Variants in BBX observed in about 807,000 individuals in gnomAD.
BBX encodes the protein BBX high mobility group box domain containing, also known as HMG box transcription factor BBX.
Under a neutral mutation model 100.2 loss-of-function variants are expected in BBX, and 30 were observed. The ratio of observed to expected loss-of-function variants is 0.30; its 90% confidence interval spans 0.22 to 0.41. The LOEUF (loss-of-function observed/expected upper bound fraction) is 0.41. Among genes scored for constraint, BBX ranks in the 10% least tolerant of loss-of-function variants. The pLI, the probability that BBX is intolerant of heterozygous loss-of-function variation, is 1.00. For missense variants in BBX, 1,023 were observed against 1,129.8 expected, an observed-to-expected ratio of 0.91 and a Z score of 1.35; for synonymous variants, 376 against 388.1, an observed-to-expected ratio of 0.97 and a Z score of 0.37.
rs1191293887 is a variant in BBX, at chr3:107,644,368, T to TA, written c.-83-1468_-83-1467insA. Among the ~76,000 whole-genome samples the TA allele has an allele frequency of 2.0e-5, 3 of 152,298 alleles. No individual in the cohort carries two copies. The East Asian group carries it at 5.8e-4, about 29-fold the overall frequency. Reference sequence around the variant, plus strand: ...ATTTTGGCAGTACAAATTATATATATTTTTAGATTATACCAGTTTATTTAC... The same window carrying TA: ...ATTTTGGCAGTACAAATTATATATATATTTTAGATTATACCAGTTTATTTAC... On this transcript the variant is annotated intron_variant, in intron 2 of 17. Transcript: ENST00000325805.
At chr3:107,705,989 C>T (rs1363226629) in intron 3 of BBX, among the ~76,000 whole-genome samples, 1 of 149,758 alleles carries the variant, frequency 6.7e-6, no homozygotes, top group Non-Finnish European at 1.5e-5. Flanking sequence ...GAAGTCTGAC[C>T]TCAGTAAACG....
At chr3:107,635,283 T>C (rs643938) in intron 2 of BBX, among the ~76,000 whole-genome samples, 77,453 of 152,048 alleles carry the variant, frequency 0.51, 20,966 homozygotes, top group East Asian at 0.92. Context: ...AGCGAAACAC[T>C]GTATTCCAAA....
rs562615183 is a variant in BBX, at chr3:107,736,464, A to G, written c.669+3441A>G. ...AAAGAACCAGAAATAAAAATGTAGA[A>G]CAAATAAAAGTAATCATGTTCACAT... On this transcript the variant is annotated intron_variant, in intron 7 of 17. Coordinates refer to ENST00000325805, the MANE Select transcript of BBX (RefSeq NM_001142568.3). 9.7e-4 allele frequency among the ~76,000 whole-genome samples: 147 copies of G among 152,120 alleles called. 1 individual carries two copies. Among genetic ancestry groups the G allele is most frequent in the African/African-American group, 2.5e-3 (102 of 41,540 alleles).
Position 107,756,015 on chromosome 3 carries a change from A to G in BBX, c.906+337A>G, listed in dbSNP as rs971524565. 8.5e-5 allele frequency among the ~76,000 whole-genome samples: 13 copies of G among 152,204 alleles called. No individual in the cohort carries two copies. The South Asian group carries it at 2.1e-3, about 24-fold the overall frequency. On this transcript the variant is annotated intron_variant, in intron 10 of 17. Coordinates refer to ENST00000325805, the MANE Select transcript of BBX (RefSeq NM_001142568.3). ...CTTTTCTGATTCCCGTAAACCGTCT[A>G]TAAATCTCCAGAATGCACTGCTTTT...
intron 3 of BBX, among the ~76,000 whole-genome samples, chr3:107,647,199 C>G (rs1465319094): frequency 2.6e-5 from 4 of 152,050 alleles, no homozygotes; most frequent in Admixed American, 6.6e-5. Context: ...AAAATTGATA[C>G]TGAAATTTCA....
intron 2 of BBX, among the ~76,000 whole-genome samples, chr3:107,537,752 A>G (rs2048596697): frequency 6.6e-6 from 1 of 152,188 alleles, no homozygotes; most frequent in South Asian, 2.1e-4. Flanking sequence ...GTTTTCACTC[A>G]GTTTTATTTG....
intron 3 of BBX, among the ~76,000 whole-genome samples, chr3:107,693,318 T>A (rs1002993107): frequency 2.0e-5 from 3 of 151,866 alleles, no homozygotes; most frequent in African/African-American, 7.3e-5. Flanking sequence ...CTTCTAGGGT[T>A]TTTATGGTTT....
Position 107,798,692 on chromosome 3 carries a change from C to G in BBX, c.2523C>G (p.Gly841=). ...KITHLVRTAD[G]RVSPAGGTLD... ...CACACCTTGTCAGGACAGCAGATGGCCGGGTATCACCAGCAGGAGGTACTT... is the reference window on the plus strand; with the variant it reads ...CACACCTTGTCAGGACAGCAGATGGGCGGGTATCACCAGCAGGAGGTACTT... The change falls in exon 16 of 18, where the codon GGC becomes GGG. Residue 841 remains glycine (G), a synonymous_variant. Transcript: ENST00000325805. 6.2e-7 allele frequency: 1 copy of G among 1,613,960 alleles called. No homozygotes were observed. Among genetic ancestry groups the G allele is most frequent in the Non-Finnish European group, 8.5e-7 (1 of 1,179,980 alleles).
chr3:107,774,645 T>C, intron 11 of BBX, 74 bp from the exon 12 acceptor site: 1 of 1,501,192 alleles, frequency 6.7e-7, no homozygotes, highest in Non-Finnish European at 9.0e-7. Context: ...AAGAGGTTGC[T>C]CGTGAAGCAA....
At chr3:107,651,144 C>G (rs758869633) in intron 3 of BBX, among the ~76,000 whole-genome samples, 5 of 152,070 alleles carry the variant, frequency 3.3e-5, no homozygotes, top group East Asian at 3.8e-4. Flanking sequence ...GAATTTGGAG[C>G]GGGACACAAT....
intron 2 of BBX, among the ~76,000 whole-genome samples, chr3:107,600,724 A>G (rs2054002320): frequency 6.6e-6 from 1 of 152,172 alleles, no homozygotes; most frequent in Non-Finnish European, 1.5e-5. Flanking sequence ...ATCATAGAGG[A>G]TAATGTTGGG....
intron 2 of BBX, among the ~76,000 whole-genome samples, chr3:107,548,183 T>G (rs1301846952): frequency 6.6e-6 from 1 of 152,202 alleles, no homozygotes; most frequent in Non-Finnish European, 1.5e-5. Context: ...GCACTTAACC[T>G]CTTGGATTCT....
chr3:107,716,546 C>T, intron 4 of BBX, 61 bp from the exon 5 acceptor site: 1 of 1,574,122 alleles, frequency 6.4e-7, no homozygotes, highest in South Asian at 1.2e-5. Flanking sequence ...CCAAGACTAA[C>T]TGTTAAATCA....
Position 107,729,017 on chromosome 3 carries a change from A to T in BBX, c.601+57A>T. On this transcript the variant is annotated intron_variant, in intron 6 of 17. Transcript: ENST00000325805. ...TAAGGACAGGGCAATACATTTCGGC[A>T]GCATTTTAAACAATACTGAGGGCGG... 2 of 1,544,750 alleles carry T rather than the reference A, an allele frequency of 1.3e-6. 1 individual carries two copies. The highest frequency in any genetic ancestry group is 2.5e-5 in the South Asian group (2 of 81,100).
chr3:107,569,596 A>T (rs2051191536), intron 2 of BBX, among the ~76,000 whole-genome samples: 1 of 152,144 alleles, frequency 6.6e-6, no homozygotes, highest in Non-Finnish European at 1.5e-5. Context: ...CAGATAATGT[A>T]GTTAAAATGT....
At chr3:107,546,300 A>T (rs1003422382) in intron 2 of BBX, among the ~76,000 whole-genome samples, 5 of 152,096 alleles carry the variant, frequency 3.3e-5, no homozygotes, top group Non-Finnish European at 7.4e-5. Flanking sequence ...AATTATTTGC[A>T]ATTTTGTTTT....
intron 2 of BBX, among the ~76,000 whole-genome samples, chr3:107,562,645 C>G (rs2050590687): frequency 6.6e-6 from 1 of 152,050 alleles, no homozygotes; most frequent in Admixed American, 6.6e-5. Context: ...ATTTTGGAAA[C>G]TGCTTCTTCC....
intron 5 of BBX, among the ~76,000 whole-genome samples, chr3:107,717,515 G>A (rs2062190665): frequency 6.6e-6 from 1 of 152,074 alleles, no homozygotes; most frequent in African/African-American, 2.4e-5. Flanking sequence ...TGTTCTGTAG[G>A]TAGTGCTGCA....
At chr3:107,623,304 C>G (rs1376181979) in intron 2 of BBX, among the ~76,000 whole-genome samples, 2 of 152,264 alleles carry the variant, frequency 1.3e-5, no homozygotes, top group East Asian at 3.9e-4. Flanking sequence ...ATGAAGGTTT[C>G]CCACTTTCAG....
Sources: allele counts gnomAD v4.1 joint callset (sites outside exome capture counted in the v4.1 genomes callset), GRCh38; gene constraint gnomAD v4.1.1; transcripts MANE v1.5; gene names NCBI Gene and HGNC (gene_info 2026-07-23, HGNC 2026-07-21).